Variants in ARHGEF10 observed in about 807,000 individuals in gnomAD.
ARHGEF10 encodes Rho guanine nucleotide exchange factor 10, also known as Rho guanine nucleotide exchange factor (GEF) 10.
In ARHGEF10, 140 loss-of-function variants were observed where a neutral mutation model predicts 147.4. That is an observed-to-expected ratio of 0.95 (90% CI 0.83 to 1.09). ARHGEF10 has a LOEUF of 1.09. Ranked by LOEUF, ARHGEF10 falls within the 50% of genes least tolerant of loss-of-function variation. ARHGEF10 has a pLI of 0.00. For missense variants in ARHGEF10, 2,222 were observed against 1,752.7 expected (o/e 1.27, Z -4.78); for synonymous variants, 902 against 695.8 (o/e 1.30, Z -4.67).
chr8:1,913,414 C>G (rs1458086482), intron 18 of ARHGEF10, among the ~76,000 whole-genome samples: 1 of 152,202 alleles, frequency 6.6e-6, no homozygotes, highest in Non-Finnish European at 1.5e-5. Context: ...AGGAAACACT[C>G]CTTCAGATGT....
At position 1,880,178 on chromosome 8, in the gene ARHGEF10, C is replaced by A. The variant is rs763848971; in HGVS notation, c.960+14C>A. 3.2e-6 allele frequency: 5 copies of A among 1,586,402 alleles called. No homozygotes were observed. The Admixed American group carries it at 5.0e-5, about 16-fold the overall frequency. On this transcript the variant is annotated intron_variant, in intron 9 of 28. Coordinates refer to ENST00000349830, the MANE Select transcript of ARHGEF10 (RefSeq NM_014629.4). ...CATGAACTGAAGGTAGAGTCTTGCCCCCGGCCGCTGCCCCCACTTGCCAGC... is the reference window on the plus strand; with the variant it reads ...CATGAACTGAAGGTAGAGTCTTGCCACCGGCCGCTGCCCCCACTTGCCAGC...
At chr8:1,856,473 A>G (rs535564942) in intron 2 of ARHGEF10, among the ~76,000 whole-genome samples, 2 of 152,310 alleles carry the variant, frequency 1.3e-5, no homozygotes, top group South Asian at 4.1e-4. Context: ...CCTAGAATGT[A>G]TGACTAGTTT....
rs1418597700 is a variant in ARHGEF10 at position 1,931,316 on chromosome 8, A to T, written c.3079+1873A>T. 2.0e-5 allele frequency among the ~76,000 whole-genome samples: 3 copies of T among 152,252 alleles called. No homozygotes were observed. In the East Asian group the frequency reaches 5.8e-4, roughly 29 times the overall value. On this transcript the variant is annotated intron_variant, in intron 25 of 28. Coordinates refer to ENST00000349830, the MANE Select transcript of ARHGEF10 (RefSeq NM_014629.4). ...TTCTAATTTCTATTAAATGCAATAG[A>T]AATAACATTTCTATTACGTAAAATG...
At chr8:1,832,380 AGGCAGAGG>A (rs1803179048) in intron 1 of ARHGEF10, among the ~76,000 whole-genome samples, 1 of 48,606 alleles carries the variant, frequency 2.1e-5, no homozygotes, top group Non-Finnish European at 4.4e-5. Context: ...ACAGAGACAG[AGGCAGAGG>A]CAGAGACAGA....
chr8:1,843,821 C>T (rs1164828078), intron 2 of ARHGEF10, among the ~76,000 whole-genome samples: 1 of 152,180 alleles, frequency 6.6e-6, no homozygotes, highest in Non-Finnish European at 1.5e-5. Flanking sequence ...ATGGCGGGTG[C>T]TCGCCCAGTT....
chr8:1,850,153 G>A (rs1423308696), intron 2 of ARHGEF10, among the ~76,000 whole-genome samples: 120 of 125,728 alleles, frequency 9.5e-4, no homozygotes, highest in Non-Finnish European at 1.7e-3. Flanking sequence ...GTGTGGGGCG[G>A]CCACGTGGAC....
chr8:1,829,796 C>T (rs1182383483), intron 1 of ARHGEF10, among the ~76,000 whole-genome samples: 1 of 152,202 alleles, frequency 6.6e-6, no homozygotes, highest in Non-Finnish European at 1.5e-5. Context: ...GTCCCGAATC[C>T]GGGGTCTGCG....
intron 1 of ARHGEF10, among the ~76,000 whole-genome samples, chr8:1,839,390 ACT>A (rs1803810676): frequency 1.1e-5 from 1 of 93,580 alleles, no homozygotes; most frequent in Non-Finnish European, 2.1e-5. Flanking sequence ...CTGGTGTGGG[ACT>A]GTCTGCTGTG....
At position 1,876,947 on chromosome 8, in the gene ARHGEF10, C is replaced by T. The variant is rs76053072; in HGVS notation, c.843+213C>T. On this transcript the variant is annotated intron_variant, in intron 8 of 28. Coordinates refer to ENST00000349830, the MANE Select transcript of ARHGEF10 (RefSeq NM_014629.4). ...ATGGAAAGATGGAGAAATTAAGCTT[C>T]TATAATCCACTTAAAAGGTCTTAAA... Among the ~76,000 whole-genome samples, 848 of 152,338 alleles carry T rather than the reference C, an allele frequency of 5.6e-3. 5 individuals are homozygous for T. Among genetic ancestry groups the T allele is most frequent in the African/African-American group, 0.019 (786 of 41,580 alleles).
chr8:1,908,787 A>G (rs910141527), intron 17 of ARHGEF10, among the ~76,000 whole-genome samples: 1 of 128,658 alleles, frequency 7.8e-6, no homozygotes, highest in African/African-American at 2.9e-5. Context: ...TGTATAAGTC[A>G]TAGGGTTTTT....
intron 18 of ARHGEF10, among the ~76,000 whole-genome samples, chr8:1,920,228 G>A (rs926703947): frequency 2.0e-5 from 3 of 152,188 alleles, no homozygotes; most frequent in African/African-American, 7.2e-5. Flanking sequence ...AAAAATAGAA[G>A]GGTCAATTTG....
chr8:1,897,824 C>A (rs985526879), intron 14 of ARHGEF10, among the ~76,000 whole-genome samples: 4 of 152,132 alleles, frequency 2.6e-5, no homozygotes, highest in African/African-American at 9.7e-5. Context: ...TGCCACGTGG[C>A]CTTGGGAGAT....
intron 18 of ARHGEF10, among the ~76,000 whole-genome samples, chr8:1,920,899 T>C (rs1007097665): frequency 7.9e-5 from 12 of 152,102 alleles, no homozygotes; most frequent in African/African-American, 2.9e-4. Context: ...GCAATTCTCC[T>C]GCCTCAGCCT....
At chr8:1,894,362 G>C (rs750814143) in intron 12 of ARHGEF10, 31 bp from the exon 13 acceptor site, 3 of 1,613,590 alleles carry the variant, frequency 1.9e-6, no homozygotes, top group Non-Finnish European at 2.5e-6. Context: ...AAAAAGAAAA[G>C]TCTGAACTGT....
intron 1 of ARHGEF10, among the ~76,000 whole-genome samples, chr8:1,826,905 A>T (rs1347451413): frequency 2.6e-5 from 4 of 152,242 alleles, no homozygotes; most frequent in African/African-American, 9.6e-5. Context: ...GTCATTCATG[A>T]GGGAGAACTT....
intron 1 of ARHGEF10, among the ~76,000 whole-genome samples, chr8:1,839,776 G>C (rs1227806621): frequency 1.4e-5 from 2 of 147,058 alleles, no homozygotes; most frequent in African/African-American, 5.1e-5. Flanking sequence ...GGGACTGTCT[G>C]GTGTGGGTAC....
intron 17 of ARHGEF10, among the ~76,000 whole-genome samples, chr8:1,908,932 C>T (rs1811131851): frequency 6.6e-6 from 1 of 152,146 alleles, no homozygotes; most frequent in South Asian, 2.1e-4. Flanking sequence ...TCTTATGAAA[C>T]CGCCAGAGAA....
At position 1,937,373 on chromosome 8, in the gene ARHGEF10, G is replaced by C. The variant is rs1313149276; in HGVS notation, c.3222+3431G>C. Among the ~76,000 whole-genome samples, 6 of 152,164 alleles carry C rather than the reference G, an allele frequency of 3.9e-5. No homozygotes were observed. In the East Asian group the frequency reaches 7.7e-4, roughly 20 times the overall value. On this transcript the variant is annotated intron_variant, in intron 26 of 28. Transcript: ENST00000349830. This position sits in a 1 kb window ranked among gnomAD's most constrained non-coding sequence, Gnocchi z 4.9. ...TAGTAATTGCGTATTTACAGAGGGA[G>C]CTCAGCCATATAGTATACGGTGATC...
chr8:1,852,819 G>T (rs1329419479), intron 2 of ARHGEF10, among the ~76,000 whole-genome samples: 1 of 152,206 alleles, frequency 6.6e-6, no homozygotes, highest in African/African-American at 2.4e-5. Flanking sequence ...CAGCCCCAAT[G>T]GCCCTGCTGT....
Sources: allele counts gnomAD v4.1 joint callset (sites outside exome capture counted in the v4.1 genomes callset), GRCh38; gene constraint gnomAD v4.1.1; non-coding constraint Gnocchi (gnomAD v3.1); transcripts MANE v1.5; gene names NCBI Gene and HGNC (gene_info 2026-07-23, HGNC 2026-07-21).